Variants in MSI2 observed in about 807,000 individuals in gnomAD.
The protein encoded by MSI2 is musashi RNA binding protein 2.
Under a neutral mutation model 45.6 loss-of-function variants are expected in MSI2, and 17 were observed. That is an observed-to-expected ratio of 0.37 (90% CI 0.26 to 0.56). MSI2 has a LOEUF of 0.56. MSI2 is among the 20% of genes least tolerant of loss of function. The pLI, the probability that MSI2 is intolerant of heterozygous loss-of-function variation, is 0.77. For missense variants in MSI2, 293 were observed against 444.2 expected (o/e 0.66, Z 3.06); for synonymous variants, 156 against 158.2 (o/e 0.99, Z 0.11).
intron 6 of MSI2, among the ~76,000 whole-genome samples, chr17:57,459,683 C>T (rs184876675): frequency 1.3e-5 from 2 of 152,126 alleles, no homozygotes; most frequent in Non-Finnish European, 2.9e-5. Context: ...TAGAGTCATG[C>T]AGAACATTTA....
the MSI2 span, among the ~76,000 whole-genome samples, chr17:57,697,636 C>T: frequency 1.3e-4 from 20 of 152,264 alleles, no homozygotes; most frequent in South Asian, 3.1e-3. Context: ...AATGGACTCA[C>T]GGTCTCACGT....
chr17:57,674,913 A>G, intron 11 of MSI2, 59 bp from the exon 12 acceptor site: 1 of 1,603,622 alleles, frequency 6.2e-7, no homozygotes, highest in South Asian at 1.1e-5. Flanking sequence ...TTCTCTGCAC[A>G]CCAGTCCTGA....
chr17:57,330,280 C>CT (rs757876948), intron 5 of MSI2, among the ~76,000 whole-genome samples: 369 of 149,602 alleles, frequency 2.5e-3, no homozygotes, highest in African/African-American at 7.7e-3. Flanking sequence ...GTAACTTTTT[C>CT]TTTTTTTTCT....
chr17:57,699,182 A>AGAGAGAGTGTGT, the MSI2 span, among the ~76,000 whole-genome samples: 1 of 25,086 alleles, frequency 4.0e-5, no homozygotes, highest in Non-Finnish European at 6.2e-5. Context: ...AGAGAGAGAG[A>AGAGAGAGTGTGT]GTGTGTGTGT....
intron 5 of MSI2, among the ~76,000 whole-genome samples, chr17:57,287,494 G>A (rs78153212): frequency 2.6e-5 from 4 of 152,174 alleles, no homozygotes; most frequent in Admixed American, 6.5e-5. Flanking sequence ...GCTCAGTCGC[G>A]GAGTCTTGCA....
intron 6 of MSI2, among the ~76,000 whole-genome samples, chr17:57,416,133 C>T (rs1291716741): frequency 6.6e-6 from 1 of 152,150 alleles, no homozygotes. Flanking sequence ...TGCCAAGTTT[C>T]TATTGAAAAC....
chr17:57,687,240 GA>G (rs201750283), downstream of MSI2, among the ~76,000 whole-genome samples: 50 of 143,712 alleles, frequency 3.5e-4, no homozygotes, highest in African/African-American at 1.0e-3. Context: ...TTTTTTGGGG[GA>G]GGTGAAGGAA....
chr17:57,556,908 C>G (rs1023592186), intron 7 of MSI2, among the ~76,000 whole-genome samples: 1 of 152,158 alleles, frequency 6.6e-6, no homozygotes, highest in Non-Finnish European at 1.5e-5. Flanking sequence ...AATGTCTGGC[C>G]TTATTTGGTG....
At chr17:57,624,965 G>A (rs1908662859) in intron 9 of MSI2, among the ~76,000 whole-genome samples, 1 of 152,184 alleles carries the variant, frequency 6.6e-6, no homozygotes, top group Non-Finnish European at 1.5e-5. Context: ...GGGAAGTAAA[G>A]ATCAAGGTGC....
chr17:57,354,301 G>A (rs1916262125), intron 5 of MSI2, among the ~76,000 whole-genome samples: 1 of 152,190 alleles, frequency 6.6e-6, no homozygotes, highest in Non-Finnish European at 1.5e-5. Context: ...TAAGGACGTG[G>A]TATGGCCCAG....
chr17:57,510,694 C>T (rs903397036), intron 6 of MSI2, among the ~76,000 whole-genome samples: 4 of 152,208 alleles, frequency 2.6e-5, no homozygotes, highest in African/African-American at 9.7e-5. Flanking sequence ...TCCCAAAGTG[C>T]TGGGATTACA....
chr17:57,311,437 A>G (rs2143607861), intron 5 of MSI2, among the ~76,000 whole-genome samples: 1 of 152,358 alleles, frequency 6.6e-6, no homozygotes, highest in East Asian at 1.9e-4. Flanking sequence ...CCACTGTTCA[A>G]GGAAGTTCCT....
At chr17:57,698,646 T>C in the MSI2 span, among the ~76,000 whole-genome samples, 39 of 152,338 alleles carry the variant, frequency 2.6e-4, no homozygotes, top group South Asian at 3.7e-3. Context: ...GTTATGGGTC[T>C]GGGCTGCCCT....
Position 57,341,190 on chromosome 17 carries a change from C to T in MSI2, c.313-60189C>T, listed in dbSNP as rs555257824. 2.4e-4 allele frequency among the ~76,000 whole-genome samples: 37 copies of T among 152,260 alleles called. No individual in the cohort carries two copies. The South Asian group carries it at 4.6e-3, about 19-fold the overall frequency. On this transcript the variant is annotated intron_variant, in intron 5 of 13. Transcript: ENST00000284073. ...GGAAGGAGGTCAAGTCAGGACAGAGCTGGGAAGGATGCTGGCAGCTCAGTG... is the reference window on the plus strand; with the variant it reads ...GGAAGGAGGTCAAGTCAGGACAGAGTTGGGAAGGATGCTGGCAGCTCAGTG...
intron 13 of MSI2, 66 bp downstream of exon 13, chr17:57,677,125 A>T: frequency 1.8e-6 from 2 of 1,101,484 alleles, no homozygotes; most frequent in Non-Finnish European, 2.8e-6. Flanking sequence ...TCCACAGGTC[A>T]TACATGCACG....
intron 5 of MSI2, among the ~76,000 whole-genome samples, chr17:57,369,197 A>G (rs2083385615): frequency 2.0e-5 from 3 of 152,164 alleles, no homozygotes; most frequent in African/African-American, 7.2e-5. Flanking sequence ...GAGTGACGTC[A>G]CAGTTGTCCT....
chr17:57,679,579 C>A lies in MSI2; in HGVS notation c.*62C>A, dbSNP rs1008651283. The A allele has an allele frequency of 5.7e-6, 6 of 1,060,258 alleles. No homozygotes were observed. In the South Asian group the frequency reaches 2.3e-4, roughly 40 times the overall value. The allele number at this position is 1,060,258 out of a possible 1,614,324, so 65.7% of individuals were successfully genotyped here. ...ACCTGGATGTCCAGGCAAGACTGGG[C>A]GAAGTTTCTGAGTGGCCCTTTGTTT... On this transcript the variant is annotated 3_prime_UTR_variant, in exon 14 of 14. Transcript: ENST00000284073.
rs750727827 is a variant in MSI2, at chr17:57,503,033, A to G, written c.406-26643A>G. 9.7e-4 allele frequency among the ~76,000 whole-genome samples: 147 copies of G among 151,944 alleles called. 7 individuals carry two copies. Among genetic ancestry groups the G allele is most frequent in the Non-Finnish European group, 6.9e-4 (47 of 67,942 alleles). On this transcript the variant is annotated intron_variant, in intron 6 of 13. Transcript: ENST00000284073. ...GTGTGGTGATTAGAATCTTGTTCCT[A>G]TTACAATGGAGTTTTCCTTTTAATT...
At chr17:57,667,538 G>A (rs964346839) in intron 11 of MSI2, among the ~76,000 whole-genome samples, 12 of 152,232 alleles carry the variant, frequency 7.9e-5, no homozygotes, top group East Asian at 1.9e-4. Context: ...TCCAGTCACC[G>A]CACAGGGCCC....
Sources: gnomAD v4.1 joint callset for allele counts (sites outside exome capture counted in the v4.1 genomes callset) on GRCh38, gnomAD v4.1.1 for gene constraint, MANE v1.5 for transcripts, NCBI Gene and HGNC (gene_info 2026-07-23, HGNC 2026-07-21) for gene names.